Variants in MEGF10 observed in about 807,000 individuals in gnomAD.
MEGF10 encodes the protein multiple EGF like domains 10, also known as multiple epidermal growth factor-like domains protein 10.
MEGF10 carries 86 observed loss-of-function variants against 147.5 expected under a neutral mutation model. The observed-to-expected ratio is 0.58, with a 90% confidence interval of 0.49 to 0.70. The LOEUF is 0.70. MEGF10 is among the 30% of genes least tolerant of loss of function. The pLI, the probability that MEGF10 is intolerant of heterozygous loss-of-function variation, is 0.00. For missense variants in MEGF10, 1,329 were observed against 1,487.3 expected, an observed-to-expected ratio of 0.89 and a Z score of 1.75; for synonymous variants, 478 against 525.5, an observed-to-expected ratio of 0.91 and a Z score of 1.24.
Position 127,396,723 on chromosome 5 carries a change from A to G in MEGF10, c.604A>G (p.Thr202Ala), listed in dbSNP as rs769966750. 6.2e-7 allele frequency: 1 copy of G among 1,614,052 alleles called. No homozygotes were observed. The highest frequency in any genetic ancestry group is 8.5e-7 in the Non-Finnish European group (1 of 1,180,016). Residue 202 changes from threonine to alanine, a missense_variant, in exon 6 of 25, where the codon ACC (threonine) becomes GCC (alanine). Physicochemically the swap from Thr to Ala is moderately conservative, Grantham distance 58. Transcript: ENST00000503335. Reference sequence around the variant, plus strand: ...GAGATGCCAGTGCCAGAATGGAGCCACCTGCGACCACGTCACGGGGGAATG... The same window carrying G: ...GAGATGCCAGTGCCAGAATGGAGCCGCCTGCGACCACGTCACGGGGGAATG... ...HQRCQCQNGA[T>A]CDHVTGECRC...
chr5:127,406,220 G>A (rs190134567), intron 8 of MEGF10, among the ~76,000 whole-genome samples: 409 of 152,260 alleles, frequency 2.7e-3, no homozygotes, highest in Non-Finnish European at 4.8e-3. Context: ...ATTTCATCTG[G>A]AGTACAGGGA....
intron 10 of MEGF10, among the ~76,000 whole-genome samples, 198 bp downstream of exon 10, chr5:127,418,010 G>C (rs1332556970): frequency 6.6e-6 from 1 of 152,126 alleles, no homozygotes; most frequent in East Asian, 1.9e-4. Flanking sequence ...GCGAAAACTG[G>C]TAAAACTATA....
chr5:127,452,942 A>T (rs1467313564), intron 22 of MEGF10, among the ~76,000 whole-genome samples: 1 of 152,106 alleles, frequency 6.6e-6, no homozygotes, highest in Admixed American at 6.5e-5. Flanking sequence ...TGTGCCTGAG[A>T]GAGGAAAATA....
chr5:127,398,871 AG>A, intron 7 of MEGF10, 75 bp downstream of exon 7: 1 of 1,585,896 alleles, frequency 6.3e-7, no homozygotes, highest in South Asian at 1.1e-5. Flanking sequence ...ATACACATGC[AG>A]GAGACTTTAG....
rs186901097 is a variant in MEGF10 at position 127,405,831 on chromosome 5, G to A, written c.917+3149G>A. On this transcript the variant is annotated intron_variant, in intron 8 of 24. Coordinates refer to ENST00000503335, the MANE Select transcript of MEGF10 (RefSeq NM_001256545.2). ...TAGTAGCTGCTTAATTTCATTAAATGCCTTTTTTTCTTTTGCTAATATAAT... is the reference window on the plus strand; with the variant it reads ...TAGTAGCTGCTTAATTTCATTAAATACCTTTTTTTCTTTTGCTAATATAAT... 2.1e-4 allele frequency among the ~76,000 whole-genome samples: 32 copies of A among 151,820 alleles called. 1 individual carries two copies. The East Asian group carries it at 5.4e-3, about 26-fold the overall frequency.
intron 13 of MEGF10, among the ~76,000 whole-genome samples, chr5:127,431,510 C>A (rs1295107545): frequency 6.6e-6 from 1 of 152,120 alleles, no homozygotes; most frequent in Admixed American, 6.5e-5. Flanking sequence ...CATAAAAAAT[C>A]GGGACTGCTT....
At chr5:127,327,261 G>T (rs1761074867) in intron 1 of MEGF10, among the ~76,000 whole-genome samples, 1 of 152,120 alleles carries the variant, frequency 6.6e-6, no homozygotes, top group South Asian at 2.1e-4. Context: ...ATCAAGTTTG[G>T]CACTAGGGGG....
At chr5:127,333,406 G>C (rs1761344692) in intron 2 of MEGF10, among the ~76,000 whole-genome samples, 1 of 151,998 alleles carries the variant, frequency 6.6e-6, no homozygotes, top group Non-Finnish European at 1.5e-5. Flanking sequence ...CAGCTACTTG[G>C]GGGGCTGAGG....
chr5:127,314,511 T>G (rs903031163), intron 1 of MEGF10, among the ~76,000 whole-genome samples: 5 of 152,218 alleles, frequency 3.3e-5, no homozygotes, highest in African/African-American at 1.2e-4. Flanking sequence ...CTATGCAGTT[T>G]CTAGTGAAAA....
intron 4 of MEGF10, among the ~76,000 whole-genome samples, chr5:127,343,715 C>T (rs1580738726): frequency 6.6e-6 from 1 of 152,096 alleles, no homozygotes; most frequent in East Asian, 1.9e-4. Flanking sequence ...CTTTGGGAGG[C>T]TAAGGTGGGA....
chr5:127,349,779 C>G (rs1762025384), intron 4 of MEGF10, among the ~76,000 whole-genome samples: 1 of 151,736 alleles, frequency 6.6e-6, no homozygotes, highest in Admixed American at 6.6e-5. Context: ...ATGGATCATA[C>G]TGAACCTACC....
chr5:127,327,284 A>T (rs1250462598), intron 1 of MEGF10, among the ~76,000 whole-genome samples: 2 of 151,982 alleles, frequency 1.3e-5, no homozygotes, highest in African/African-American at 2.4e-5. Flanking sequence ...CATGCAAATG[A>T]CTCTTTATTT....
the MEGF10 span, among the ~76,000 whole-genome samples, chr5:127,280,229 T>C: frequency 6.6e-6 from 1 of 152,198 alleles, no homozygotes; most frequent in African/African-American, 2.4e-5. Flanking sequence ...TTGTAAATCA[T>C]AACATTTGCA....
At chr5:127,274,103 C>A in the MEGF10 span, among the ~76,000 whole-genome samples, 5 of 152,038 alleles carry the variant, frequency 3.3e-5, no homozygotes, top group South Asian at 2.1e-4. Context: ...TGGTAAATAA[C>A]ACCATGAAAA....
intron 4 of MEGF10, among the ~76,000 whole-genome samples, chr5:127,345,644 T>TG: frequency 6.6e-6 from 1 of 152,316 alleles, no homozygotes; most frequent in African/African-American, 2.4e-5. Context: ...TTAATATTCT[T>TG]GCCTGATCTG....
chr5:127,345,798 C>T (rs928874194), intron 4 of MEGF10, among the ~76,000 whole-genome samples: 18 of 152,086 alleles, frequency 1.2e-4, no homozygotes, highest in African/African-American at 3.9e-4. Context: ...ACCCATCAAC[C>T]GAGTAATGTA....
At chr5:127,254,150 GTTTTTC>G in the MEGF10 span, among the ~76,000 whole-genome samples, 8 of 151,974 alleles carry the variant, frequency 5.3e-5, no homozygotes, top group Admixed American at 3.9e-4. Flanking sequence ...TTTAAGTTTT[GTTTTTC>G]TTTTTCAGTT....
the MEGF10 span, among the ~76,000 whole-genome samples, chr5:127,235,943 A>G: frequency 6.6e-6 from 1 of 151,298 alleles, no homozygotes; most frequent in Admixed American, 6.6e-5. Flanking sequence ...GAGGGTGCAT[A>G]TATTACTGAA....
chr5:127,294,941 G>A (rs1291869625), intron 1 of MEGF10, among the ~76,000 whole-genome samples: 1 of 152,068 alleles, frequency 6.6e-6, no homozygotes, highest in East Asian at 1.9e-4. Flanking sequence ...ATTGCAGGCA[G>A]TATAATGAAG....
Sources: allele counts gnomAD v4.1 joint callset (sites outside exome capture counted in the v4.1 genomes callset), GRCh38; gene constraint gnomAD v4.1.1; transcripts MANE v1.5; gene names NCBI Gene and HGNC (gene_info 2026-07-23, HGNC 2026-07-21).